Variants in ADARB2 observed in about 807,000 individuals in gnomAD.
ADARB2 encodes adenosine deaminase RNA specific B2 (inactive).
ADARB2 carries 25 observed loss-of-function variants against 62.2 expected under a neutral mutation model. The observed-to-expected ratio is 0.40, with a 90% CI of 0.29 to 0.56. ADARB2 has a LOEUF of 0.56. Ranked by LOEUF, ADARB2 falls within the 20% of genes least tolerant of loss-of-function variation. The pLI, the probability that ADARB2 is intolerant of heterozygous loss-of-function variation, is 0.43. For synonymous variants in ADARB2, 572 were observed against 500.8 expected, an observed-to-expected ratio of 1.14 and a Z score of -1.90; for missense variants, 1,071 against 1,077.4, an observed-to-expected ratio of 0.99 and a Z score of 0.08.
chr10:1,485,652 G>A (rs1831531935), intron 1 of ADARB2, among the ~76,000 whole-genome samples: 2 of 152,168 alleles, frequency 1.3e-5, no homozygotes, highest in South Asian at 4.1e-4. Context: ...GTTCATTGCT[G>A]TCCTGTCACC....
rs564130169 is a variant in ADARB2, at chr10:1,466,418, A to C, written c.101-87258T>G. 2.0e-5 allele frequency among the ~76,000 whole-genome samples: 3 copies of C among 152,346 alleles called. No homozygotes were observed. The East Asian group carries it at 5.8e-4, about 29-fold the overall frequency. ...AGAGATGGTCTCCCTGAGGGTCTTC[A>C]CAAGGCCCCATCCAAGTATCTCCAG... On this transcript the variant is annotated intron_variant, in intron 1 of 9. Coordinates refer to ENST00000381312, the MANE Select transcript of ADARB2 (RefSeq NM_018702.4).
chr10:1,686,477 A>C (rs1183492086), intron 1 of ADARB2, among the ~76,000 whole-genome samples: 1 of 152,228 alleles, frequency 6.6e-6, no homozygotes, highest in East Asian at 1.9e-4. Flanking sequence ...AAGTAGGGGA[A>C]GGTCTAATGG....
intron 1 of ADARB2, among the ~76,000 whole-genome samples, chr10:1,649,628 C>T (rs1265803445): frequency 6.6e-6 from 1 of 152,206 alleles, no homozygotes; most frequent in African/African-American, 2.4e-5. Flanking sequence ...GACCCTATAA[C>T]CTGGGCCAGA....
rs149963052 is a variant in ADARB2 at position 1,235,328 on chromosome 10, A to G, written c.1362-1483T>C. Among the ~76,000 whole-genome samples the G allele has an allele frequency of 5.6e-3, 671 of 120,506 alleles. 9 individuals are homozygous for G. Among genetic ancestry groups the G allele is most frequent in the African/African-American group, 0.02 (624 of 30,994 alleles). The allele number at this position is 120,506 out of a possible 152,430, so 79.1% of individuals were successfully genotyped here. On this transcript the variant is annotated intron_variant, in intron 5 of 9. Transcript: ENST00000381312. ...AGCCATGACCCAGGTGGGGCGGGAG[A>G]GTTCCCAGCCTCTCTGATGGTGAAT...
intron 1 of ADARB2, 69 bp downstream of exon 1, chr10:1,736,982 C>T: frequency 6.6e-7 from 1 of 1,518,924 alleles, no homozygotes; most frequent in Non-Finnish European, 9.0e-7. Context: ...CCGGAGACCC[C>T]ATGAGAGGCC....
intron 1 of ADARB2, among the ~76,000 whole-genome samples, chr10:1,454,964 G>T (rs553164860): frequency 1.1e-4 from 16 of 152,340 alleles, no homozygotes; most frequent in Middle Eastern, 3.4e-3. Context: ...ATACCAACAA[G>T]CGACAGAGGA....
chr10:1,368,908 G>A (rs9419489), intron 2 of ADARB2, among the ~76,000 whole-genome samples: 315 of 137,934 alleles, frequency 2.3e-3, no homozygotes, highest in African/African-American at 0.01. Context: ...GGTGGGGGCC[G>A]AGCTTGCCCT....
At chr10:1,558,178 C>G (rs1192420455) in intron 1 of ADARB2, among the ~76,000 whole-genome samples, 1 of 152,062 alleles carries the variant, frequency 6.6e-6, no homozygotes, top group Non-Finnish European at 1.5e-5. Context: ...GGCACCGTCT[C>G]CCCGGAGAGA....
At chr10:1,502,262 T>C (rs950982979) in intron 1 of ADARB2, among the ~76,000 whole-genome samples, 1 of 152,220 alleles carries the variant, frequency 6.6e-6, no homozygotes, top group African/African-American at 2.4e-5. Flanking sequence ...CCCACAACTG[T>C]CCAGCCAGTC....
chr10:1,357,481 G>T (rs891231664), intron 3 of ADARB2, among the ~76,000 whole-genome samples: 16 of 151,850 alleles, frequency 1.1e-4, no homozygotes, highest in Non-Finnish European at 1.9e-4. Flanking sequence ...GGGATGCATG[G>T]TTTTTTTAGC....
chr10:1,197,440 A>G (rs976959034), intron 8 of ADARB2, among the ~76,000 whole-genome samples: 3 of 152,200 alleles, frequency 2.0e-5, no homozygotes, highest in Non-Finnish European at 4.4e-5. Context: ...TTTCTGACAA[A>G]TGGTTTTGCT....
chr10:1,265,591 T>C (rs56696999), intron 4 of ADARB2, among the ~76,000 whole-genome samples: 6,917 of 71,332 alleles, frequency 0.097, 679 homozygotes, highest in African/African-American at 0.3. Flanking sequence ...GTCCACGCTC[T>C]CCCGGAAGAC....
rs201724516 is a variant in ADARB2, at chr10:1,185,075, T to A, written c.1865-36A>T. 9.4e-6 allele frequency: 15 copies of A among 1,593,040 alleles called. No individual in the cohort carries two copies. In the African/African-American group the frequency reaches 2.0e-4, roughly 21 times the overall value. On this transcript the variant is annotated intron_variant, in intron 8 of 9. Coordinates refer to ENST00000381312, the MANE Select transcript of ADARB2 (RefSeq NM_018702.4). Reference sequence around the variant, plus strand: ...GATGGGGAAAGGCGGGCGTTAATATTCCTGGCCTCACACGGGGCTCCCCCA... The same window carrying A: ...GATGGGGAAAGGCGGGCGTTAATATACCTGGCCTCACACGGGGCTCCCCCA...
At chr10:1,610,744 A>C (rs1468068606) in intron 1 of ADARB2, among the ~76,000 whole-genome samples, 1 of 114,004 alleles carries the variant, frequency 8.8e-6, no homozygotes, top group East Asian at 2.2e-4. Context: ...GGAGATGGGC[A>C]GGCGCACACA....
In ADARB2 at chr10:1,683,059, T is replaced by C. The variant is rs115149539; in HGVS notation, c.100+53992A>G. Among the ~76,000 whole-genome samples, 857 of 152,366 alleles carry C rather than the reference T, an allele frequency of 5.6e-3. 11 individuals are homozygous for C. Among genetic ancestry groups the C allele is most frequent in the African/African-American group, 0.019 (805 of 41,596 alleles). ...TGCGTGGAAGCAGAGATGACTATGC[T>C]GCTGCAGACAATGTTTTGTGTGCTT... On this transcript the variant is annotated intron_variant, in intron 1 of 9. Transcript: ENST00000381312.
At chr10:1,669,445 C>T (rs945376048) in intron 1 of ADARB2, among the ~76,000 whole-genome samples, 18 of 151,936 alleles carry the variant, frequency 1.2e-4, no homozygotes, top group African/African-American at 4.3e-4. Flanking sequence ...CACATGCAGA[C>T]ACACAAACAG....
intron 1 of ADARB2, among the ~76,000 whole-genome samples, chr10:1,663,329 C>T (rs576012068): frequency 6.6e-6 from 1 of 152,150 alleles, no homozygotes; most frequent in Admixed American, 6.5e-5. Flanking sequence ...GGTTACTCTG[C>T]GTGGTGCGGC....
intron 4 of ADARB2, among the ~76,000 whole-genome samples, chr10:1,245,458 G>A (rs933246147): frequency 6.6e-6 from 1 of 151,792 alleles, no homozygotes; most frequent in Non-Finnish European, 1.5e-5. Flanking sequence ...TTTAACATTA[G>A]GTATATCTCC....
chr10:1,462,730 T>C (rs1387876146), intron 1 of ADARB2, among the ~76,000 whole-genome samples: 1 of 151,902 alleles, frequency 6.6e-6, no homozygotes, highest in Non-Finnish European at 1.5e-5. Flanking sequence ...TATGTGCATG[T>C]GTGTATGTGC....
Sources: allele counts gnomAD v4.1 joint callset (sites outside exome capture counted in the v4.1 genomes callset), GRCh38; gene constraint gnomAD v4.1.1; transcripts MANE v1.5; gene names NCBI Gene and HGNC (gene_info 2026-07-23, HGNC 2026-07-21).